The following FBN1 variants were observed in gnomAD, a reference collection of about 807,000 sequenced individuals.
The protein encoded by FBN1 is fibrillin 1, also known as fibrillin-1.
Under a neutral mutation model 365.1 loss-of-function variants are expected in FBN1, and 29 were observed. The observed-to-expected ratio is 0.08, with a 90% CI of 0.06 to 0.11. FBN1 has a LOEUF of 0.11. FBN1 is among the 10% of genes least tolerant of loss of function. The probability of loss-of-function intolerance (pLI) is 1.00; values close to 1 mark genes in which losing one functional copy is unlikely to be tolerated. For missense variants in FBN1, 2,476 were observed against 3,703.2 expected (o/e 0.67, Z 8.60); for synonymous variants, 1,210 against 1,270.5 (o/e 0.95, Z 1.01).
chr15:48,434,801 TG>T, intron 53 of FBN1, 88 bp from the exon 54 acceptor site: 1 of 1,511,950 alleles, frequency 6.6e-7, no homozygotes, highest in Non-Finnish European at 9.1e-7. Flanking sequence ...GTAATTTTGT[TG>T]TTGTTGTTGT....
intron 10 of FBN1, among the ~76,000 whole-genome samples, chr15:48,518,577 C>T (rs2141333687): frequency 6.6e-6 from 1 of 152,236 alleles, no homozygotes; most frequent in Non-Finnish European, 1.5e-5. Flanking sequence ...TTCATCTTAA[C>T]CTCTCTAGGA....
At chr15:48,427,918 C>T (rs1566893602) in intron 57 of FBN1, 145 bp from the exon 58 acceptor site, 2 of 748,008 alleles carry the variant, frequency 2.7e-6, no homozygotes, top group East Asian at 2.7e-5. Context: ...AAGCTGGAGA[C>T]AGCAGTAAAA....
chr15:48,475,895 A>G (rs1021901067), intron 32 of FBN1, among the ~76,000 whole-genome samples: 1 of 152,242 alleles, frequency 6.6e-6, no homozygotes, highest in Non-Finnish European at 1.5e-5. Flanking sequence ...ACTTTATAAT[A>G]TCACTAATGA....
chr15:48,492,566 A>G lies in FBN1; in HGVS notation c.2749T>C (p.Phe917Leu), dbSNP rs1298901384. 2 of 1,606,392 alleles carry G rather than the reference A, an allele frequency of 1.2e-6. No homozygotes were observed. Among genetic ancestry groups the G allele is most frequent in the Admixed American group, 1.7e-5 (1 of 59,990 alleles). ...AGGCCATTTTTACACACTCCTGGGAACACTTCACATTCATCTATATCTAAA... is the reference window on the plus strand; with the variant it reads ...AGGCCATTTTTACACACTCCTGGGAGCACTTCACATTCATCTATATCTAAA... ...QCEDIDECEV[F>L]PGVCKNGLCV... The change falls in exon 24 of 66, where the codon TTC (phenylalanine) becomes CTC (leucine). Residue 917 changes from phenylalanine to leucine, a missense_variant. Physicochemically the swap from Phe to Leu is conservative, Grantham distance 22. Coordinates refer to ENST00000316623, the MANE Select transcript of FBN1 (RefSeq NM_000138.5).
chr15:48,422,212 GAC>G, intron 60 of FBN1, 144 bp from the exon 61 acceptor site: 1 of 694,562 alleles, frequency 1.4e-6, no homozygotes, highest in South Asian at 1.5e-5. Context: ...GGCAAGGAGA[GAC>G]ACAGGGGGTA....
chr15:48,549,208 G>A (rs2044122325), intron 6 of FBN1, among the ~76,000 whole-genome samples: 1 of 152,186 alleles, frequency 6.6e-6, no homozygotes, highest in African/African-American at 2.4e-5. Context: ...TAGGTCTAAA[G>A]GTGCCCTGAA....
At chr15:48,575,802 T>TACAC (rs58125518) in intron 6 of FBN1, among the ~76,000 whole-genome samples, 8,419 of 140,086 alleles carry the variant, frequency 0.06, 249 homozygotes, top group South Asian at 0.11. Context: ...AAATGTGAGA[T>TACAC]ACACACACAC....
Position 48,520,809 on chromosome 15 carries a change from G to T in FBN1, c.997C>A (p.Pro333Thr). ...GTCAGAGCTGTGTAACAGTATCCTG[G>T]GCGAACATCTGAGGACAAAGAAACA... The part of the protein sequence containing the change: ...PDGTRCIDVR[P>T]GYCYTALTNG... Residue 333 changes from proline (P) to threonine (T), a missense_variant, in exon 10 of 66, where the codon CCA becomes ACA. Around this residue, in one of 5 missense-constraint regions of FBN1, gnomAD observed 421 missense variants for 520.1 expected, o/e 0.81. Transcript: ENST00000316623. 1 of 1,614,078 alleles carries T rather than the reference G, an allele frequency of 6.2e-7. No homozygotes were observed. The highest frequency in any genetic ancestry group is 8.5e-7 in the Non-Finnish European group (1 of 1,180,022).
At chr15:48,476,835 G>C (rs926451517) in intron 32 of FBN1, 1 of 143,986 alleles carries the variant, frequency 6.9e-6, no homozygotes, top group Non-Finnish European at 1.4e-5. Flanking sequence ...CACCATGTTG[G>C]TGAGGCTGGT....
At chr15:48,518,739 C>T (rs1189732259) in intron 10 of FBN1, among the ~76,000 whole-genome samples, 1 of 152,192 alleles carries the variant, frequency 6.6e-6, no homozygotes, top group Non-Finnish European at 1.5e-5. Context: ...CAAGATGATG[C>T]TGATTTATTT....
chr15:48,578,798 T>C (rs1289960475), intron 6 of FBN1, among the ~76,000 whole-genome samples: 7 of 132,224 alleles, frequency 5.3e-5, no homozygotes, highest in East Asian at 2.2e-4. Context: ...TAGGTGGGAA[T>C]TGAACAATGA....
At chr15:48,549,200 G>A (rs1323543055) in intron 6 of FBN1, among the ~76,000 whole-genome samples, 1 of 152,194 alleles carries the variant, frequency 6.6e-6, no homozygotes, top group East Asian at 1.9e-4. Flanking sequence ...GGACTTGGTA[G>A]GTCTAAAGGT....
At position 48,410,986 on chromosome 15, in the gene FBN1, T is replaced by C. The variant is rs1396465999; in HGVS notation, c.*4A>G. 6.2e-7 allele frequency: 1 copy of C among 1,612,684 alleles called. No individual in the cohort carries two copies. The highest frequency in any genetic ancestry group is 8.5e-7 in the Non-Finnish European group (1 of 1,179,694). Reference sequence around the variant, plus strand: ...TTTTAATTATTTGGTCTCTGGATGGTGAATTAATGAAGCAAAACCTGGATT... The same window carrying C: ...TTTTAATTATTTGGTCTCTGGATGGCGAATTAATGAAGCAAAACCTGGATT... On this transcript the variant is annotated 3_prime_UTR_variant, in exon 66 of 66. Coordinates refer to ENST00000316623, the MANE Select transcript of FBN1 (RefSeq NM_000138.5).
At chr15:48,418,628 C>T (rs752753598) in intron 63 of FBN1, among the ~76,000 whole-genome samples, 5 of 152,160 alleles carry the variant, frequency 3.3e-5, no homozygotes, top group Non-Finnish European at 7.4e-5. Context: ...AATGACTCCA[C>T]AAGGAATTTT....
At chr15:48,589,772 C>T (rs906024392) in intron 6 of FBN1, among the ~76,000 whole-genome samples, 8 of 152,094 alleles carry the variant, frequency 5.3e-5, no homozygotes, top group Non-Finnish European at 7.4e-5. Flanking sequence ...CACCACCACG[C>T]CCGGCTAATT....
intron 40 of FBN1, among the ~76,000 whole-genome samples, chr15:48,465,162 A>G (rs1024003415): frequency 6.6e-6 from 1 of 152,226 alleles, no homozygotes; most frequent in Non-Finnish European, 1.5e-5. Context: ...AGCTTATTTG[A>G]ATACATGAGC....
At chr15:48,622,536 A>T (rs1301233779) in intron 2 of FBN1, among the ~76,000 whole-genome samples, 3 of 152,168 alleles carry the variant, frequency 2.0e-5, no homozygotes, top group African/African-American at 7.2e-5. Context: ...TTGTTGGACC[A>T]ATATCATGTT....
At position 48,521,871 on chromosome 15, in the gene FBN1, C is replaced by T. The variant is rs951357356; in HGVS notation, c.989-1054G>A. ...TTATTTAAAGCAGGGGTCTCTAACC[C>T]CCAGGGGCCCCAATCCCCAGTTCTG... On this transcript the variant is annotated intron_variant, in intron 9 of 65. Coordinates refer to ENST00000316623, the MANE Select transcript of FBN1 (RefSeq NM_000138.5). Among the ~76,000 whole-genome samples the T allele has an allele frequency of 2.6e-5, 4 of 152,154 alleles. No homozygotes were observed. The East Asian group carries it at 7.7e-4, about 29-fold the overall frequency.
chr15:48,561,792 A>G (rs1399122905), intron 6 of FBN1, among the ~76,000 whole-genome samples: 1 of 152,182 alleles, frequency 6.6e-6, no homozygotes, highest in African/African-American at 2.4e-5. Context: ...GAAATGGTTT[A>G]TACTGTCAAT....
Sources: gnomAD v4.1 joint callset for allele counts (sites outside exome capture counted in the v4.1 genomes callset) on GRCh38, gnomAD v4.1.1 for gene constraint, gnomAD v4.1.1 regional missense constraint, MANE v1.5 for transcripts, NCBI Gene and HGNC (gene_info 2026-07-23, HGNC 2026-07-21) for gene names.